RNPEP: variants seen among roughly 807,000 people sequenced by gnomAD.
RNPEP encodes aminopeptidase B.
RNPEP carries 57 observed loss-of-function variants against 70.1 expected under a neutral mutation model. The observed-to-expected ratio is 0.81, with a 90% CI of 0.66 to 1.01. RNPEP has a LOEUF of 1.01. Among genes scored for constraint, RNPEP ranks in the 50% least tolerant of loss-of-function variants. RNPEP has a pLI of 0.00. For missense variants in RNPEP, 787 were observed against 852.4 expected (o/e 0.92, Z 0.96); for synonymous variants, 335 against 357.4 (o/e 0.94, Z 0.71).
chr1:202,001,604 G>A, intron 7 of RNPEP, 55 bp from the exon 8 acceptor site: 2 of 1,470,204 alleles, frequency 1.4e-6, no homozygotes, highest in Non-Finnish European at 1.9e-6. Context: ...GGACACAGAG[G>A]GACACCACTC....
rs763520617 is a variant in RNPEP, at chr1:201,988,884, A to G, written c.448-20A>G. 1 of 1,602,644 alleles carries G rather than the reference A, an allele frequency of 6.2e-7. No individual in the cohort carries two copies. Among genetic ancestry groups the G allele is most frequent in the African/African-American group, 1.3e-5 (1 of 74,418 alleles). On this transcript the variant is annotated intron_variant, in intron 1 of 10. Coordinates refer to ENST00000295640, the MANE Select transcript of RNPEP (RefSeq NM_020216.4). ...TCGTGTGGGAGATGTCAGTTCTGAA[A>G]TGTTCTTCTTTTCGCTTAGGTTTGC...
At chr1:202,001,354 T>A (rs779690263) in intron 6 of RNPEP, 22 bp from the exon 7 acceptor site, 2 of 1,547,150 alleles carry the variant, frequency 1.3e-6, no homozygotes, top group East Asian at 2.2e-5. Context: ...GCTCAAATCT[T>A]GTCTGCTTTC....
In RNPEP at chr1:201,996,065, A is replaced by G. The variant is rs540910922; in HGVS notation, c.738-82A>G. The G allele has an allele frequency of 2.8e-5, 33 of 1,166,444 alleles. No homozygotes were observed. In the African/African-American group the frequency reaches 4.1e-4, roughly 15 times the overall value. 72.3% of individuals were successfully genotyped at this position (1,166,444 alleles called of 1,614,324 possible). On this transcript the variant is annotated intron_variant, in intron 3 of 10. Coordinates refer to ENST00000295640, the MANE Select transcript of RNPEP (RefSeq NM_020216.4). ...TGTCACATTCACTTGGCGGAGGCCAATTTCCTACAGGTGCTTTCAGGATCA... is the reference window on the plus strand; with the variant it reads ...TGTCACATTCACTTGGCGGAGGCCAGTTTCCTACAGGTGCTTTCAGGATCA...
chr1:202,001,159 C>T (rs1683785242), intron 6 of RNPEP: 2 of 551,912 alleles, frequency 3.6e-6, no homozygotes, highest in Admixed American at 6.3e-5. Context: ...GAGATCTTGG[C>T]CTTGAGATAG....
rs767769940 is a variant in RNPEP at position 201,988,983 on chromosome 1, G to A, written c.527G>A (p.Arg176Gln). Reference protein sequence around the residue: ...VYTQGQAVLNRAFFPCFDTPA... With the variant: ...VYTQGQAVLNQAFFPCFDTPA... ...ACCCAGGGCCAGGCTGTCCTAAACC[G>A]GGCCTTCTTCCCTTGCTTCGACACG... is the stretch of plus-strand genomic sequence containing the variant. Residue 176 changes from arginine to glutamine, a missense_variant, in exon 2 of 11, where the codon CGG becomes CAG. Coordinates refer to ENST00000295640, the MANE Select transcript of RNPEP (RefSeq NM_020216.4). 5.0e-6 allele frequency: 8 copies of A among 1,614,062 alleles called. No individual in the cohort carries two copies. Among genetic ancestry groups the A allele is most frequent in the East Asian group, 4.5e-5 (2 of 44,880 alleles).
chr1:201,998,230 CTTTTTTTTTTT>C (rs34549362), intron 5 of RNPEP, among the ~76,000 whole-genome samples: 1 of 116,680 alleles, frequency 8.6e-6, no homozygotes, highest in South Asian at 2.7e-4. Context: ...TGGGTCTGAA[CTTTTTTTTTTT>C]TTTTTTTTTT....
chr1:201,985,390 A>G (rs12060972), intron 1 of RNPEP, among the ~76,000 whole-genome samples: 83,780 of 151,714 alleles, frequency 0.55, 23,481 homozygotes, highest in Non-Finnish European at 0.6. Context: ...AGCTGGGACC[A>G]ACCACAGACC....
rs146265021 is a variant in RNPEP, at chr1:201,990,720, G to A, written c.737+1189G>A. On this transcript the variant is annotated intron_variant, in intron 3 of 10. Transcript: ENST00000295640. ...GATTCCATTGGCATCTGCTCCCAGC[G>A]CACACATTCAAAACAATACCAGTCT... Among the ~76,000 whole-genome samples, 301 of 152,234 alleles carry A rather than the reference G, an allele frequency of 2.0e-3. 2 individuals are homozygous for A. Among genetic ancestry groups the A allele is most frequent in the African/African-American group, 6.8e-3 (283 of 41,528 alleles).
rs1330121278 is a variant in RNPEP at position 201,982,967 on chromosome 1, G to C, written c.301G>C (p.Glu101Gln). 3 of 1,505,880 alleles carry C rather than the reference G, an allele frequency of 2.0e-6. No individual in the cohort carries two copies. In the Admixed American group the frequency reaches 6.6e-5, roughly 33 times the overall value. 93.3% of individuals were successfully genotyped at this position (1,505,880 alleles called of 1,614,324 possible). ...AALRRERPGS[E>Q]EPPAEPVSFY... ...GCTGCGGCGGGAGCGGCCCGGCTCG[G>C]AGGAGCCGCCTGCGGAGCCCGTGAG... Residue 101 changes from glutamate (E) to glutamine (Q), a missense_variant, in exon 1 of 11, where the codon GAG becomes CAG. Transcript: ENST00000295640.
At position 201,989,986 on chromosome 1, in the gene RNPEP, A is replaced by G. The variant is rs544315525; in HGVS notation, c.737+455A>G. Reference sequence around the variant, plus strand: ...CAGCCTCCCAAGTAACTGGGACTGCAGGCATGCCCCACCACGCTCGGCTAA... The same window carrying G: ...CAGCCTCCCAAGTAACTGGGACTGCGGGCATGCCCCACCACGCTCGGCTAA... On this transcript the variant is annotated intron_variant, in intron 3 of 10. Coordinates refer to ENST00000295640, the MANE Select transcript of RNPEP (RefSeq NM_020216.4). Among the ~76,000 whole-genome samples, 29 of 152,174 alleles carry G rather than the reference A, an allele frequency of 1.9e-4. No individual in the cohort carries two copies. The South Asian group carries it at 6.0e-3, about 32-fold the overall frequency.
At chr1:201,991,177 C>T (rs1456861323) in intron 3 of RNPEP, among the ~76,000 whole-genome samples, 7 of 152,038 alleles carry the variant, frequency 4.6e-5, no homozygotes, top group Admixed American at 1.3e-4. Flanking sequence ...TGCAGTGGCG[C>T]GATCTTGGCT....
At position 201,989,012 on chromosome 1, in the gene RNPEP, G is replaced by T. The variant is rs777059757; in HGVS notation, c.556G>T (p.Ala186Ser). 4 of 1,614,162 alleles carry T rather than the reference G, an allele frequency of 2.5e-6. No individual in the cohort carries two copies. Among genetic ancestry groups the T allele is most frequent in the Admixed American group, 1.7e-5 (1 of 60,012 alleles). ...RAFFPCFDTP[A>S]VKYKYSALIE... ...CTTCTTCCCTTGCTTCGACACGCCT[G>T]CTGTTAAATACAAGTATTCAGCTCT... The change falls in exon 2 of 11, where the codon GCT (alanine) becomes TCT (serine). Residue 186 changes from alanine to serine, a missense_variant. By Grantham distance (99) the Ala-to-Ser change is moderately conservative (BLOSUM62 1). Transcript: ENST00000295640.
Position 201,987,928 on chromosome 1 carries a change from G to A in RNPEP, c.448-976G>A, listed in dbSNP as rs566075126. ...AGCTGAGGCGGGCAGATCACCTGAG[G>A]TCAGGAGTTCAAGACCAGCCTGACC... On this transcript the variant is annotated intron_variant, in intron 1 of 10. Transcript: ENST00000295640. 5.4e-3 allele frequency among the ~76,000 whole-genome samples: 815 copies of A among 151,562 alleles called. 8 individuals are homozygous for A. The highest frequency in any genetic ancestry group is 0.016 in the South Asian group (77 of 4,782).
At chr1:202,005,423 C>T (rs1268606910) in intron 10 of RNPEP, 135 bp from the exon 11 acceptor site, 1 of 959,138 alleles carries the variant, frequency 1.0e-6, no homozygotes, top group Non-Finnish European at 1.6e-6. Flanking sequence ...ATGAGAAGCT[C>T]CTCATTCCAG....
intron 3 of RNPEP, among the ~76,000 whole-genome samples, chr1:201,990,738 A>G (rs1260228422): frequency 2.0e-5 from 3 of 152,204 alleles, no homozygotes; most frequent in Non-Finnish European, 4.4e-5. Context: ...TCAAAACAAT[A>G]CCAGTCTGGA....
rs146886204 is a variant in RNPEP, at chr1:202,004,317, C to T, written c.1652-37C>T. ...TTCTAGTATTACAGGTGTGACCCACCGTGACCAGCCACAAACCATTTCTTT... is the reference window on the plus strand; with the variant it reads ...TTCTAGTATTACAGGTGTGACCCACTGTGACCAGCCACAAACCATTTCTTT... On this transcript the variant is annotated intron_variant, in intron 9 of 10. Transcript: ENST00000295640. 2,842 of 1,611,856 alleles carry T rather than the reference C, an allele frequency of 1.8e-3. 7 individuals carry two copies. The highest frequency in any genetic ancestry group is 7.6e-3 in the African/African-American group (573 of 74,948).
At chr1:202,004,574 G>A (rs1294804442) in intron 10 of RNPEP, 78 bp downstream of exon 10, 64 of 1,555,624 alleles carry the variant, frequency 4.1e-5, no homozygotes, top group Non-Finnish European at 5.1e-5. Context: ...CATGTGGGCA[G>A]GGCTCATCTA....
rs1558269621 is a variant in RNPEP at position 202,004,469 on chromosome 1, GA to G, written c.1770del (p.Val591Ter). The G allele has an allele frequency of 2.5e-6, 4 of 1,613,912 alleles. No homozygotes were observed. The highest frequency in any genetic ancestry group is 1.3e-5 in the African/African-American group (1 of 74,926). On this transcript the variant is annotated frameshift_variant, in exon 10 of 11. Transcript: ENST00000295640. LOFTEE classifies it high-confidence loss of function. ...AGAACGACCACCAGGAAGATTTCTGGAAAGTGAAGGAGTTCCTGCATAACCA... is the reference window on the plus strand; with the variant it reads ...AGAACGACCACCAGGAAGATTTCTGGAAGTGAAGGAGTTCCTGCATAACCA... ...LKNDHQEDFW[K>X]VKEFLHNQGK...
chr1:202,004,207 T>G (rs1683956540), intron 9 of RNPEP, 147 bp from the exon 10 acceptor site: 2 of 816,222 alleles, frequency 2.5e-6, no homozygotes, highest in African/African-American at 3.5e-5. Flanking sequence ...TTGGTATTTT[T>G]AGTAGAGATG....
Sources: gnomAD v4.1 joint callset for allele counts (sites outside exome capture counted in the v4.1 genomes callset) on GRCh38, gnomAD v4.1.1 for gene constraint, MANE v1.5 for transcripts, NCBI Gene and HGNC (gene_info 2026-07-23, HGNC 2026-07-21) for gene names.